The following LRRK1 variants were observed in gnomAD, a reference collection of about 807,000 sequenced individuals.
The protein encoded by LRRK1 is leucine rich repeat kinase 1.
A neutral mutation model predicts 209.1 loss-of-function variants in LRRK1; 113 were observed. The observed-to-expected ratio is 0.54, with a 90% CI of 0.46 to 0.63. The LOEUF (loss-of-function observed/expected upper bound fraction) is 0.63, where lower values mean the gene tolerates loss of function less well. LRRK1 is among the 30% of genes least tolerant of loss of function. The pLI is 0.00. For synonymous variants in LRRK1, 1,144 were observed against 1,099.7 expected, an observed-to-expected ratio of 1.04 and a Z score of -0.80; for missense variants, 2,284 against 2,632.2, an observed-to-expected ratio of 0.87 and a Z score of 2.89.
chr15:101,017,928 A>G (rs2033616661), intron 12 of LRRK1, among the ~76,000 whole-genome samples: 1 of 152,066 alleles, frequency 6.6e-6, no homozygotes, highest in Non-Finnish European at 1.5e-5. Flanking sequence ...GAAAACAATA[A>G]CATTTAAGGA....
At chr15:100,955,558 T>G (rs560514634) in intron 2 of LRRK1, among the ~76,000 whole-genome samples, 39 of 152,242 alleles carry the variant, frequency 2.6e-4, no homozygotes, top group Non-Finnish European at 5.4e-4. Context: ...CATACTTGTC[T>G]TGTTCCTGAT....
At chr15:101,003,750 A>G (rs1052866347) in intron 6 of LRRK1, among the ~76,000 whole-genome samples, 4 of 152,280 alleles carry the variant, frequency 2.6e-5, no homozygotes, top group Non-Finnish European at 4.4e-5. Context: ...GTAATTCTCT[A>G]TCTCCTTCAG....
At chr15:100,979,398 A>C (rs1031805414) in intron 3 of LRRK1, among the ~76,000 whole-genome samples, 2 of 152,228 alleles carry the variant, frequency 1.3e-5, no homozygotes, top group Non-Finnish European at 2.9e-5. Flanking sequence ...TATTTAAAAA[A>C]TACTATTCAA....
rs918677653 is a variant in LRRK1 at position 101,058,619 on chromosome 15, G to C, written c.4679+478G>C. ...GCCCCAGATTGCAGAAGGGGCAACG[G>C]GGGGGGGCGTCTAAACAGAGTTGGG... On this transcript the variant is annotated intron_variant, in intron 29 of 33. Transcript: ENST00000388948. 2.8e-5 allele frequency among the ~76,000 whole-genome samples: 4 copies of C among 141,788 alleles called. 1 individual carries two copies. Among genetic ancestry groups the C allele is most frequent in the African/African-American group, 1.2e-4 (4 of 33,118 alleles). The allele number at this position is 141,788 out of a possible 152,430, so 93.0% of individuals were successfully genotyped here. A position where few individuals can be genotyped will look rare whatever the true frequency, so the allele number is the denominator to read the frequency against.
intron 20 of LRRK1, among the ~76,000 whole-genome samples, chr15:101,035,821 C>T (rs2034473625): frequency 6.6e-6 from 1 of 152,042 alleles, no homozygotes; most frequent in African/African-American, 2.4e-5. Context: ...TGAGTGTTTG[C>T]TTTACCAGTG....
intron 2 of LRRK1, among the ~76,000 whole-genome samples, chr15:100,954,705 C>T (rs1055730093): frequency 1.3e-5 from 2 of 152,198 alleles, no homozygotes; most frequent in Admixed American, 1.3e-4. Flanking sequence ...CATTGTCTTG[C>T]ATGTAGATGT....
At position 101,066,223 on chromosome 15, in the gene LRRK1, A is replaced by G; in HGVS notation, c.5768+18A>G. The G allele has an allele frequency of 6.3e-7, 1 of 1,588,084 alleles. No individual in the cohort carries two copies. The highest frequency in any genetic ancestry group is 8.6e-7 in the Non-Finnish European group (1 of 1,167,476). ...GTCCCCAGGTACGTTTCCCGAGGTG[A>G]GGGCACCATCCAGGGCACGCCCACT... is the stretch of plus-strand genomic sequence containing the variant. On this transcript the variant is annotated intron_variant, in intron 32 of 33. Transcript: ENST00000388948.
chr15:101,004,659 GC>G lies in LRRK1; in HGVS notation c.763-4175del, dbSNP rs1165810263. Among the ~76,000 whole-genome samples the G allele has an allele frequency of 2.0e-5, 3 of 152,190 alleles. No individual in the cohort carries two copies. The South Asian group carries it at 6.2e-4, about 32-fold the overall frequency. Reference sequence around the variant, plus strand: ...TACAAAGTGTCTCAAGCTGAACAGAGCCCAAAAAAGTGCTCACCTCCACTGC... The same window carrying G: ...TACAAAGTGTCTCAAGCTGAACAGAGCCAAAAAAGTGCTCACCTCCACTGC... On this transcript the variant is annotated intron_variant, in intron 6 of 33. Transcript: ENST00000388948.
At chr15:101,049,981 G>A (rs555840532) in intron 23 of LRRK1, among the ~76,000 whole-genome samples, 198 bp downstream of exon 23, 1 of 152,218 alleles carries the variant, frequency 6.6e-6, no homozygotes, top group South Asian at 2.1e-4. Flanking sequence ...CCCACGGGGA[G>A]GACTGGGCTC....
intron 12 of LRRK1, among the ~76,000 whole-genome samples, chr15:101,018,407 G>A (rs930846): frequency 0.33 from 50,451 of 152,090 alleles, 9,746 homozygotes; most frequent in Non-Finnish European, 0.45. Flanking sequence ...GAAGGAAGGG[G>A]AAACAAACAC....
At chr15:100,998,948 C>T (rs1193484913) in intron 6 of LRRK1, among the ~76,000 whole-genome samples, 1 of 152,132 alleles carries the variant, frequency 6.6e-6, no homozygotes, top group Non-Finnish European at 1.5e-5. Flanking sequence ...TTTTTGTATG[C>T]AGTAACCTCC....
At chr15:100,920,085 C>T (rs1436824587) in intron 1 of LRRK1, 1 of 152,568 alleles carries the variant, frequency 6.6e-6, no homozygotes, top group Admixed American at 6.5e-5. Flanking sequence ...TCTCTGCAAG[C>T]TACAGGGGAC....
At chr15:101,041,460 T>C (rs2034753322) in intron 20 of LRRK1, among the ~76,000 whole-genome samples, 1 of 152,272 alleles carries the variant, frequency 6.6e-6, no homozygotes, top group Non-Finnish European at 1.5e-5. Context: ...TCCTGCCTTC[T>C]TTTGAGTTAA....
At position 100,924,623 on chromosome 15, in the gene LRRK1, G is replaced by C. The variant is rs2042076387; in HGVS notation, c.-10G>C. 8 of 1,613,732 alleles carry C rather than the reference G, an allele frequency of 5.0e-6. No homozygotes were observed. Among genetic ancestry groups the C allele is most frequent in the Non-Finnish European group, 5.9e-6 (7 of 1,179,800 alleles). On this transcript the variant is annotated 5_prime_UTR_variant, in exon 2 of 34. Transcript: ENST00000388948. ...GACCTGCCTTTGAAGATCGGCTGCT[G>C]CAAGGGTTGATGGCTGGCATGTCGC...
chr15:101,062,478 G>A, intron 30 of LRRK1, 96 bp from the exon 31 acceptor site: 1 of 847,516 alleles, frequency 1.2e-6, no homozygotes, highest in South Asian at 1.4e-5. Flanking sequence ...ACCCATAGGG[G>A]ATCCCCAAGT....
rs967305266 is a variant in LRRK1, at chr15:101,025,882, C to G, written c.2233-83C>G. On this transcript the variant is annotated intron_variant, in intron 16 of 33. Coordinates refer to ENST00000388948, the MANE Select transcript of LRRK1 (RefSeq NM_024652.6). ...CAAGGGCCGTGGCATCCAGGGTCAG[C>G]GCACCTGCACAGCTGGGAGCTCTGT... 18 of 1,466,658 alleles carry G rather than the reference C, an allele frequency of 1.2e-5. No individual in the cohort carries two copies. In the East Asian group the frequency reaches 3.9e-4, roughly 32 times the overall value. The allele number at this position is 1,466,658 out of a possible 1,614,324, so 90.9% of individuals were successfully genotyped here.
intron 15 of LRRK1, among the ~76,000 whole-genome samples, chr15:101,023,698 C>CCA (rs2033898156): frequency 6.6e-6 from 1 of 152,194 alleles, no homozygotes; most frequent in Non-Finnish European, 1.5e-5. Context: ...GCAGCTTCTT[C>CCA]CACACACAAC....
chr15:101,024,974 A>C lies in LRRK1; in HGVS notation c.2232+7A>C. On this transcript the variant is annotated splice_region_variant and intron_variant, in intron 16 of 33. Transcript: ENST00000388948. The surrounding 1 kb of genome is among the most constrained non-coding windows in gnomAD (Gnocchi z 4.6). ...CTGGCTGCTCAACATCGAGGTGAGGACACCAGACGCCAGCCCTGCCATTTC... is the reference window on the plus strand; with the variant it reads ...CTGGCTGCTCAACATCGAGGTGAGGCCACCAGACGCCAGCCCTGCCATTTC... 1 of 1,611,088 alleles carries C rather than the reference A, an allele frequency of 6.2e-7. No homozygotes were observed. The highest frequency in any genetic ancestry group is 8.5e-7 in the Non-Finnish European group (1 of 1,178,632).
In LRRK1 at chr15:101,022,473, G is replaced by C. The variant is rs777502572; in HGVS notation, c.1943G>C (p.Arg648Pro). 6.2e-7 allele frequency: 1 copy of C among 1,614,104 alleles called. No homozygotes were observed. Among genetic ancestry groups the C allele is most frequent in the African/African-American group, 1.3e-5 (1 of 74,942 alleles). The change falls in exon 15 of 34, where the codon CGC (arginine) becomes CCC (proline). Residue 648 changes from arginine to proline, a missense_variant. Coordinates refer to ENST00000388948, the MANE Select transcript of LRRK1 (RefSeq NM_024652.6). This position sits in a 1 kb window ranked among gnomAD's most constrained non-coding sequence, Gnocchi z 4.0. ...AAGATGATCATCGTGGGTCCCCCGC[G>C]CCAGGGCAAGTCCACCCTCCTGGAG... Reference protein sequence around the residue: ...LMKMIIVGPPRQGKSTLLEIL... With the variant: ...LMKMIIVGPPPQGKSTLLEIL...
Sources: gnomAD v4.1 joint callset for allele counts (sites outside exome capture counted in the v4.1 genomes callset) on GRCh38, gnomAD v4.1.1 for gene constraint, Gnocchi (gnomAD v3.1) non-coding constraint, MANE v1.5 for transcripts, NCBI Gene and HGNC (gene_info 2026-07-23, HGNC 2026-07-21) for gene names.